CBX6: variants seen among roughly 807,000 people sequenced by gnomAD.
CBX6 encodes chromobox 6, also known as chromobox protein homolog 6.
A neutral mutation model predicts 28.4 loss-of-function variants in CBX6; 7 were observed. That is an observed-to-expected ratio of 0.25 (90% CI 0.14 to 0.46). The LOEUF is 0.46. Ranked by LOEUF, CBX6 falls within the 20% of genes least tolerant of loss-of-function variation. The pLI is 0.99. For synonymous variants in CBX6, 297 were observed against 273.4 expected, an observed-to-expected ratio of 1.09 and a Z score of -0.85; for missense variants, 512 against 606.1, an observed-to-expected ratio of 0.84 and a Z score of 1.63.
Position 38,871,429 on chromosome 22 carries a change from C to T in CBX6, c.246+51G>A, listed in dbSNP as rs1339902868. 2.6e-6 allele frequency: 4 copies of T among 1,534,336 alleles called. No individual in the cohort carries two copies. Among genetic ancestry groups the T allele is most frequent in the East Asian group, 4.5e-5 (2 of 44,340 alleles). ...CCTCCCTTCCAGGCCCCGTGCTGTG[C>T]CGGGGCTGGGGGCCCGAGAGGGGGA... On this transcript the variant is annotated intron_variant, in intron 4 of 4. Transcript: ENST00000407418. This position sits in a 1 kb window ranked among gnomAD's most constrained non-coding sequence, Gnocchi z 5.6.
Position 38,866,574 on chromosome 22 carries a change from G to A in CBX6, c.874C>T (p.Pro292Ser). Residue 292 changes from proline (P) to serine (S), a missense_variant, in exon 5 of 5, where the codon CCC (proline) becomes TCC (serine). Pro to Ser is a moderately conservative substitution (Grantham distance 74, BLOSUM62 -1). This residue lies in a region of CBX6 where 290 missense variants were observed against 274.1 expected (regional missense o/e 1.06). Transcript: ENST00000407418. The surrounding 1 kb of genome is among the most constrained non-coding windows in gnomAD (Gnocchi z 7.5). ...TPQSSDPDDT[P>S]PKLLPETVSP... ...ACGGTCTCGGGGAGGAGCTTGGGGG[G>A]CGTGTCGTCGGGGTCAGAGGACTGT... 2 of 1,575,224 alleles carry A rather than the reference G, an allele frequency of 1.3e-6. No individual in the cohort carries two copies. The highest frequency in any genetic ancestry group is 1.3e-5 in the African/African-American group (1 of 74,654).
At position 38,861,488 on chromosome 22, in the gene CBX6, T is replaced by C. The variant is rs1603248902; in HGVS notation, c.*4721A>G. The stretch of plus-strand genomic sequence containing the variant: ...TCAGCTTCGGAATGTGACAATTTAT[T>C]TGGGGGGTAAAAGAGGCTTTTCACC... On this transcript the variant is annotated 3_prime_UTR_variant, in exon 5 of 5. Coordinates refer to ENST00000407418, the MANE Select transcript of CBX6 (RefSeq NM_014292.5). The C allele has an allele frequency of 6.6e-6, 1 of 152,322 alleles. No homozygotes were observed. The highest frequency in any genetic ancestry group is 2.4e-5 in the African/African-American group (1 of 41,560). 9.4% of individuals were successfully genotyped at this position (152,322 alleles called of 1,614,324 possible).
intron 4 of CBX6, among the ~76,000 whole-genome samples, chr22:38,869,294 G>A (rs1017731572): frequency 1.3e-5 from 2 of 152,168 alleles, no homozygotes; most frequent in African/African-American, 4.8e-5. Flanking sequence ...GTTCCTGGGG[G>A]AGGGGCAGAG....
In CBX6 at chr22:38,864,561, C is replaced by T. The variant is rs1472499849; in HGVS notation, c.*1648G>A. On this transcript the variant is annotated 3_prime_UTR_variant, in exon 5 of 5. Transcript: ENST00000407418. The stretch of plus-strand genomic sequence containing the variant: ...GGCCGAGGAGTATCAGCCCCCGCCC[C>T]AACCCTGCGAGGGTCCCCGTTCTAC... 6.6e-6 allele frequency: 1 copy of T among 152,598 alleles called. No homozygotes were observed. The highest frequency in any genetic ancestry group is 2.4e-5 in the African/African-American group (1 of 41,472). 9.5% of individuals were successfully genotyped at this position (152,598 alleles called of 1,614,324 possible).
In CBX6 at chr22:38,872,001, G is replaced by A. The variant is rs2093183435; in HGVS notation, c.70-56C>T. On this transcript the variant is annotated intron_variant, in intron 1 of 4. Transcript: ENST00000407418. This position sits in a 1 kb window ranked among gnomAD's most constrained non-coding sequence, Gnocchi z 5.0. ...GGGGGTGGGGAGGATGCGGGGACGC[G>A]AGGAGGCGGCGGCGCGGGGCTGGGC... 1 of 1,427,698 alleles carries A rather than the reference G, an allele frequency of 7.0e-7. No homozygotes were observed. The highest frequency in any genetic ancestry group is 9.3e-7 in the Non-Finnish European group (1 of 1,076,770). 88.4% of individuals were successfully genotyped at this position (1,427,698 alleles called of 1,614,324 possible). A position where few individuals can be genotyped will look rare whatever the true frequency, so the allele number is the denominator to read the frequency against.
chr22:38,866,182 C>G lies in CBX6; in HGVS notation c.*27G>C, dbSNP rs751523797. On this transcript the variant is annotated 3_prime_UTR_variant, in exon 5 of 5. Coordinates refer to ENST00000407418, the MANE Select transcript of CBX6 (RefSeq NM_014292.5). This position sits in a 1 kb window ranked among gnomAD's most constrained non-coding sequence, Gnocchi z 7.5. The stretch of plus-strand genomic sequence containing the variant: ...ATGACTTCGGGCAGGAGGGCCCCCC[C>G]AAGCCCCCCTCCTTGGTGGAGCCCC... The G allele has an allele frequency of 4.0e-6, 6 of 1,518,920 alleles. No homozygotes were observed. The highest frequency in any genetic ancestry group is 3.6e-6 in the Non-Finnish European group (4 of 1,113,796). The allele number at this position is 1,518,920 out of a possible 1,614,324, so 94.1% of individuals were successfully genotyped here. A position where few individuals can be genotyped will look rare whatever the true frequency, so the allele number is the denominator to read the frequency against.
In CBX6 at chr22:38,865,416, T is replaced by C. The variant is rs1247821858; in HGVS notation, c.*793A>G. On this transcript the variant is annotated 3_prime_UTR_variant, in exon 5 of 5. Transcript: ENST00000407418. ...GGGTGCCACCCGGCAGCCTGGGGCC[T>C]AGCACCCAATGCATGTATGAACCCA... 2 of 152,788 alleles carry C rather than the reference T, an allele frequency of 1.3e-5. No homozygotes were observed. The highest frequency in any genetic ancestry group is 3.9e-4 in the East Asian group (2 of 5,188). 9.5% of individuals were successfully genotyped at this position (152,788 alleles called of 1,614,324 possible). A position where few individuals can be genotyped will look rare whatever the true frequency, so the allele number is the denominator to read the frequency against.
rs749184778 is a variant in CBX6 at position 38,870,518 on chromosome 22, T to C, written c.246+962A>G. The C allele has an allele frequency of 3.3e-5, 5 of 152,198 alleles. No individual in the cohort carries two copies. The highest frequency in any genetic ancestry group is 1.2e-4 in the African/African-American group (5 of 41,454). The allele number at this position is 152,198 out of a possible 1,614,324, so 9.4% of individuals were successfully genotyped here. On this transcript the variant is annotated intron_variant, in intron 4 of 4. Transcript: ENST00000407418. The surrounding 1 kb of genome is among the most constrained non-coding windows in gnomAD (Gnocchi z 4.3). ...GGTTAAGGTTACTCCCTGGATCCCC[T>C]AGGATGTGCGTCGCTTGAGGGTGGG...
At chr22:38,867,223 G>C (rs757782806) in intron 4 of CBX6, 22 bp from the exon 5 acceptor site, 1 of 1,515,256 alleles carries the variant, frequency 6.6e-7, no homozygotes, top group Non-Finnish European at 8.8e-7. Flanking sequence ...GGGAGGGGTG[G>C]GTGGGACCTC....
chr22:38,866,623 G>A lies in CBX6; in HGVS notation c.825C>T (p.Ser275=), dbSNP rs748243435. The A allele has an allele frequency of 6.5e-7, 1 of 1,527,580 alleles. No individual in the cohort carries two copies. Among genetic ancestry groups the A allele is most frequent in the Non-Finnish European group, 8.8e-7 (1 of 1,142,184 alleles). The allele number at this position is 1,527,580 out of a possible 1,614,324, so 94.6% of individuals were successfully genotyped here. A position where few individuals can be genotyped will look rare whatever the true frequency, so the allele number is the denominator to read the frequency against. The change falls in exon 5 of 5, where the codon TCC becomes TCT. Residue 275 remains serine, a synonymous_variant. Coordinates refer to ENST00000407418, the MANE Select transcript of CBX6 (RefSeq NM_014292.5). The surrounding 1 kb of genome is among the most constrained non-coding windows in gnomAD (Gnocchi z 7.5). ...GTGGTGTAGGCGAGGGGCAGCCGGA[G>A]GAGCCAGAGCTGCGGGCGTCGTAGG... ...AAPYDARSSG[S]SGCPSPTPQS... is the part of the protein sequence containing the mutation.
In CBX6 at chr22:38,863,078, G is replaced by C. The variant is rs990785283; in HGVS notation, c.*3131C>G. 1 of 152,198 alleles carries C rather than the reference G, an allele frequency of 6.6e-6. No individual in the cohort carries two copies. The highest frequency in any genetic ancestry group is 2.4e-5 in the African/African-American group (1 of 41,446). The allele number at this position is 152,198 out of a possible 1,614,324, so 9.4% of individuals were successfully genotyped here. A position where few individuals can be genotyped will look rare whatever the true frequency, so the allele number is the denominator to read the frequency against. On this transcript the variant is annotated 3_prime_UTR_variant, in exon 5 of 5. Coordinates refer to ENST00000407418, the MANE Select transcript of CBX6 (RefSeq NM_014292.5). Reference sequence around the variant, plus strand: ...CAAAGAGGGGTTGTGGGCAGCTGGGGGCCCCAGTACCAGCAACCTTGACCC... The same window carrying C: ...CAAAGAGGGGTTGTGGGCAGCTGGGCGCCCCAGTACCAGCAACCTTGACCC...
In CBX6 at chr22:38,861,635, A is replaced by G; in HGVS notation, c.*4574T>C. 1 of 151,750 alleles carries G rather than the reference A, an allele frequency of 6.6e-6. No homozygotes were observed. Among genetic ancestry groups the G allele is most frequent in the Non-Finnish European group, 1.5e-5 (1 of 67,928 alleles). 9.4% of individuals were successfully genotyped at this position (151,750 alleles called of 1,614,324 possible). ...AATCCAGAATGGAGCCCAAACCCAC[A>G]CCCCCAACTAAGCGTCTTCTCCACA... On this transcript the variant is annotated 3_prime_UTR_variant, in exon 5 of 5. Coordinates refer to ENST00000407418, the MANE Select transcript of CBX6 (RefSeq NM_014292.5).
chr22:38,863,276 CTA>C lies in CBX6; in HGVS notation c.*2931_*2932del, dbSNP rs1314621221. 2 of 152,188 alleles carry C rather than the reference CTA, an allele frequency of 1.3e-5. No homozygotes were observed. The highest frequency in any genetic ancestry group is 2.4e-5 in the African/African-American group (1 of 41,416). 9.4% of individuals were successfully genotyped at this position (152,188 alleles called of 1,614,324 possible). A position where few individuals can be genotyped will look rare whatever the true frequency, so the allele number is the denominator to read the frequency against. On this transcript the variant is annotated 3_prime_UTR_variant, in exon 5 of 5. Coordinates refer to ENST00000407418, the MANE Select transcript of CBX6 (RefSeq NM_014292.5). ...AGAGACACCAGACCTCACCGGTTTC[CTA>C]TGATACTTGGGTGGGGAGGGGGCGC...
intron 4 of CBX6, 27 bp from the exon 5 acceptor site, chr22:38,867,228 G>GGGGTGGGGGGGGGGGGGGGGGC: frequency 3.9e-6 from 2 of 518,864 alleles, no homozygotes; most frequent in East Asian, 5.0e-5. Context: ...GGGTGGGTGG[G>GGGGTGGGGGGGGGGGGGGGGGC]ACCTCAGGAC....
Position 38,866,562 on chromosome 22 carries a change from G to A in CBX6, c.886C>T (p.Leu296Phe). Residue 296 changes from leucine to phenylalanine, a missense_variant, in exon 5 of 5, where the codon CTC becomes TTC. Coordinates refer to ENST00000407418, the MANE Select transcript of CBX6 (RefSeq NM_014292.5). This position sits in a 1 kb window ranked among gnomAD's most constrained non-coding sequence, Gnocchi z 7.5. Reference sequence around the variant, plus strand: ...GCGGATGGGCTCACGGTCTCGGGGAGGAGCTTGGGGGGCGTGTCGTCGGGG... The same window carrying A: ...GCGGATGGGCTCACGGTCTCGGGGAAGAGCTTGGGGGGCGTGTCGTCGGGG... The part of the protein sequence containing the change: ...SDPDDTPPKL[L>F]PETVSPSAPS... 1 of 1,577,288 alleles carries A rather than the reference G, an allele frequency of 6.3e-7. No homozygotes were observed. Among genetic ancestry groups the A allele is most frequent in the Non-Finnish European group, 8.6e-7 (1 of 1,168,938 alleles).
At position 38,864,409 on chromosome 22, in the gene CBX6, C is replaced by G. The variant is rs888878882; in HGVS notation, c.*1800G>C. 1 of 151,416 alleles carries G rather than the reference C, an allele frequency of 6.6e-6. No homozygotes were observed. The highest frequency in any genetic ancestry group is 1.9e-4 in the East Asian group (1 of 5,174). 9.4% of individuals were successfully genotyped at this position (151,416 alleles called of 1,614,324 possible). ...TAACTGGCACCCAGGTGGTCACTCA[C>G]CTGGGGGAGGGGGTCAGGGGGAAAT... On this transcript the variant is annotated 3_prime_UTR_variant, in exon 5 of 5. Coordinates refer to ENST00000407418, the MANE Select transcript of CBX6 (RefSeq NM_014292.5).
Position 38,871,283 on chromosome 22 carries a change from G to C in CBX6, c.246+197C>G, listed in dbSNP as rs1414171963. The stretch of plus-strand genomic sequence containing the variant: ...TTATCCCCAGTCCCAAAACCCTCTT[G>C]TTGAAGCTGATGCTGGCTGAGGCCT... On this transcript the variant is annotated intron_variant, in intron 4 of 4. Coordinates refer to ENST00000407418, the MANE Select transcript of CBX6 (RefSeq NM_014292.5). The surrounding 1 kb of genome is among the most constrained non-coding windows in gnomAD (Gnocchi z 5.6). The C allele has an allele frequency of 6.0e-6, 4 of 661,174 alleles. No individual in the cohort carries two copies. The highest frequency in any genetic ancestry group is 8.1e-6 in the Non-Finnish European group (3 of 370,764). The allele number at this position is 661,174 out of a possible 1,614,324, so 41.0% of individuals were successfully genotyped here.
In CBX6 at chr22:38,865,193, G is replaced by A. The variant is rs1441724986; in HGVS notation, c.*1016C>T. On this transcript the variant is annotated 3_prime_UTR_variant, in exon 5 of 5. Coordinates refer to ENST00000407418, the MANE Select transcript of CBX6 (RefSeq NM_014292.5). ...ATCTCGGTCCCCACCATGATGTGAA[G>A]TGAAGGTCCGACAGGTTGGGCTGAC... 6.6e-6 allele frequency: 1 copy of A among 152,320 alleles called. No homozygotes were observed. The highest frequency in any genetic ancestry group is 2.4e-5 in the African/African-American group (1 of 41,462). The allele number at this position is 152,320 out of a possible 1,614,324, so 9.4% of individuals were successfully genotyped here.
chr22:38,867,214 G>T lies in CBX6; in HGVS notation c.247-13C>A. 3.3e-6 allele frequency: 5 copies of T among 1,526,336 alleles called. No homozygotes were observed. The highest frequency in any genetic ancestry group is 1.2e-5 in the South Asian group (1 of 83,092). The allele number at this position is 1,526,336 out of a possible 1,614,324, so 94.5% of individuals were successfully genotyped here. A position where few individuals can be genotyped will look rare whatever the true frequency, so the allele number is the denominator to read the frequency against. On this transcript the variant is annotated splice_polypyrimidine_tract_variant and intron_variant, in intron 4 of 4. Coordinates refer to ENST00000407418, the MANE Select transcript of CBX6 (RefSeq NM_014292.5). The stretch of plus-strand genomic sequence containing the variant: ...CCTGGGCCCGCGCCTGCGGGCAGAG[G>T]GAGGGGTGGGTGGGACCTCAGGACT...
Sources: allele counts gnomAD v4.1 joint callset (sites outside exome capture counted in the v4.1 genomes callset), GRCh38; gene constraint gnomAD v4.1.1; regional missense constraint gnomAD v4.1.1; non-coding constraint Gnocchi (gnomAD v3.1); transcripts MANE v1.5; gene names NCBI Gene and HGNC (gene_info 2026-07-23, HGNC 2026-07-21).